Variants in CHN2 observed in about 807,000 individuals in gnomAD.
CHN2 encodes the protein beta-chimaerin.
Under a neutral mutation model 56.3 loss-of-function variants are expected in CHN2, and 35 were observed. The observed-to-expected ratio is 0.62, with a 90% CI of 0.47 to 0.82. The LOEUF is 0.82. Among genes scored for constraint, CHN2 ranks in the 40% least tolerant of loss-of-function variants. The pLI, the probability that CHN2 is intolerant of heterozygous loss-of-function variation, is 0.00. For synonymous variants in CHN2, 210 were observed against 212.8 expected (o/e 0.99, Z 0.12); for missense variants, 491 against 580.5 (o/e 0.85, Z 1.58).
intron 1 of CHN2, among the ~76,000 whole-genome samples, chr7:29,319,212 C>T (rs1357006554): frequency 1.3e-5 from 2 of 152,122 alleles, no homozygotes; most frequent in African/African-American, 2.4e-5. Context: ...TAAAGGTCTT[C>T]CTGCATGAAA....
chr7:29,256,849 C>A (rs1789119859), intron 1 of CHN2, among the ~76,000 whole-genome samples: 1 of 152,092 alleles, frequency 6.6e-6, no homozygotes, highest in Admixed American at 6.5e-5. Context: ...CCTACAGGGC[C>A]CTCTGTTAAC....
At chr7:29,445,757 G>A (rs1413710310) in intron 6 of CHN2, among the ~76,000 whole-genome samples, 1 of 151,696 alleles carries the variant, frequency 6.6e-6, no homozygotes, top group Non-Finnish European at 1.5e-5. Flanking sequence ...TGAGTCCCAA[G>A]GAGCTAGAGT....
At chr7:29,488,305 T>C (rs1173323347) in intron 7 of CHN2, among the ~76,000 whole-genome samples, 1 of 152,204 alleles carries the variant, frequency 6.6e-6, no homozygotes. Flanking sequence ...TCATATGAGA[T>C]GAATGTCACA....
chr7:29,448,773 A>C (rs1002337867), intron 6 of CHN2, among the ~76,000 whole-genome samples: 13 of 151,634 alleles, frequency 8.6e-5, no homozygotes, highest in Admixed American at 2.0e-4. Flanking sequence ...TGTTTTGGGG[A>C]GTTGGGGAAG....
intron 1 of CHN2, among the ~76,000 whole-genome samples, chr7:29,324,712 G>A (rs1313149751): frequency 6.6e-6 from 1 of 150,682 alleles, no homozygotes; most frequent in African/African-American, 2.4e-5. Flanking sequence ...TCCACATTTT[G>A]CTGTCTAATA....
chr7:29,510,876 G>C (rs1791249220), intron 12 of CHN2, among the ~76,000 whole-genome samples: 1 of 152,182 alleles, frequency 6.6e-6, no homozygotes, highest in African/African-American at 2.4e-5. Context: ...GAGTGTGTGG[G>C]AGACAGAGAT....
chr7:29,425,504 G>T (rs1403641944), intron 6 of CHN2, among the ~76,000 whole-genome samples: 1 of 152,296 alleles, frequency 6.6e-6, no homozygotes, highest in East Asian at 1.9e-4. Flanking sequence ...CCATAAAAGA[G>T]ACTTCTCCAA....
intron 1 of CHN2, among the ~76,000 whole-genome samples, chr7:29,286,779 G>A (rs747041986): frequency 6.6e-6 from 1 of 152,124 alleles, no homozygotes; most frequent in Non-Finnish European, 1.5e-5. Context: ...GAGATAGTCT[G>A]CGATTATAAA....
At chr7:29,384,784 C>T (rs756404248) in intron 3 of CHN2, among the ~76,000 whole-genome samples, 13 of 152,216 alleles carry the variant, frequency 8.5e-5, no homozygotes, top group Non-Finnish European at 1.3e-4. Context: ...CCGTACTGGA[C>T]AGCCATTAGA....
chr7:29,252,578 G>GTTGTTTTTTTT (rs1788664962), intron 1 of CHN2, among the ~76,000 whole-genome samples: 3 of 19,496 alleles, frequency 1.5e-4, no homozygotes, highest in African/African-American at 9.2e-4. Flanking sequence ...TGCATTCTTT[G>GTTGTTTTTTTT]TTTTTTTTTT....
intron 9 of CHN2, among the ~76,000 whole-genome samples, chr7:29,502,442 C>G (rs530783405): frequency 6.6e-6 from 1 of 152,154 alleles, no homozygotes; most frequent in Admixed American, 6.6e-5. Flanking sequence ...GTCACTTCTG[C>G]TCTCACATGG....
chr7:29,257,946 C>A (rs1029998422), intron 1 of CHN2, among the ~76,000 whole-genome samples: 2 of 152,140 alleles, frequency 1.3e-5, no homozygotes, highest in East Asian at 3.9e-4. Flanking sequence ...TGCCACCACC[C>A]CTGGCTAATT....
chr7:29,177,160 T>TTCTAATCTTCAGATTAGATTAAAGTAAA (rs1797455111), intron 2 of CHN2, among the ~76,000 whole-genome samples: 1 of 152,216 alleles, frequency 6.6e-6, no homozygotes, highest in African/African-American at 2.4e-5. Context: ...ACTTATTCCT[T>TTCTAATCTTCAGATTAGATTAAAGTAAA]TCTAATCTTC....
Position 29,154,381 on chromosome 7 carries a change from T to A in CHN2, c.274+7421T>A, listed in dbSNP as rs1042737507. On this transcript the variant is annotated intron_variant, in intron 2 of 6. Transcript: ENST00000439384. ...TAAATGGGTGGGGCTTCCCCATCCC[T>A]TCTCTTTGCCTCCCTTCACCTGTAG... Among the ~76,000 whole-genome samples the A allele has an allele frequency of 1.3e-5, 2 of 152,348 alleles. 1 individual carries two copies. The highest frequency in any genetic ancestry group is 2.9e-5 in the Non-Finnish European group (2 of 68,034).
chr7:29,458,377 GCACACACACACACACACACA>G (rs58364010), intron 6 of CHN2, among the ~76,000 whole-genome samples: 1 of 135,914 alleles, frequency 7.4e-6, no homozygotes, highest in African/African-American at 2.7e-5. Flanking sequence ...GCATAGCTGT[GCACACACACACACACACACA>G]CACACACACA....
At chr7:29,505,423 G>A (rs1196597529) in intron 10 of CHN2, among the ~76,000 whole-genome samples, 4 of 152,156 alleles carry the variant, frequency 2.6e-5, no homozygotes, top group African/African-American at 9.7e-5. Context: ...CTACTGGATA[G>A]AGCCTCTACT....
At chr7:29,342,510 G>C (rs1426063878) in intron 1 of CHN2, among the ~76,000 whole-genome samples, 1 of 152,150 alleles carries the variant, frequency 6.6e-6, no homozygotes, top group Non-Finnish European at 1.5e-5. Context: ...GTCTGTCATT[G>C]CCACAACCAT....
At chr7:29,301,119 G>A (rs1793623393) in intron 1 of CHN2, among the ~76,000 whole-genome samples, 2 of 152,086 alleles carry the variant, frequency 1.3e-5, no homozygotes, top group South Asian at 4.1e-4. Context: ...TAAACACAGA[G>A]TCCAGAAAGT....
chr7:29,469,961 AGAAG>A (rs967402079), intron 6 of CHN2, among the ~76,000 whole-genome samples: 24 of 152,318 alleles, frequency 1.6e-4, no homozygotes, highest in African/African-American at 4.3e-4. Context: ...TAAGAGGGAG[AGAAG>A]GAAGGAAGGA....
Sources: gnomAD v4.1 joint callset for allele counts (sites outside exome capture counted in the v4.1 genomes callset) on GRCh38, gnomAD v4.1.1 for gene constraint, MANE v1.5 for transcripts, NCBI Gene and HGNC (gene_info 2026-07-23, HGNC 2026-07-21) for gene names.